The following SHOC1 variants were observed in gnomAD, a reference collection of about 807,000 sequenced individuals.
The protein encoded by SHOC1 is protein shortage in chiasmata 1 ortholog.
Under a neutral mutation model 179.2 loss-of-function variants are expected in SHOC1, and 136 were observed. The observed-to-expected ratio is 0.76, with a 90% CI of 0.66 to 0.87. The LOEUF is 0.87. Ranked by LOEUF, SHOC1 falls within the 40% of genes least tolerant of loss-of-function variation. The probability of loss-of-function intolerance (pLI) is 0.00; values close to 1 mark genes in which losing one functional copy is unlikely to be tolerated. For missense variants in SHOC1, 1,538 were observed against 1,700.8 expected (o/e 0.90, Z 1.68); for synonymous variants, 489 against 586.6 (o/e 0.83, Z 2.41).
rs961449221 is a variant in SHOC1 at position 111,759,074 on chromosome 9, C to A, written c.443-226G>T. 12 of 1,419,722 alleles carry A rather than the reference C, an allele frequency of 8.5e-6. No homozygotes were observed. The African/African-American group carries it at 1.7e-4, about 20-fold the overall frequency. 87.9% of individuals were successfully genotyped at this position (1,419,722 alleles called of 1,614,324 possible). A position where few individuals can be genotyped will look rare whatever the true frequency, so the allele number is the denominator to read the frequency against. ...TATTATCTAGGACACCGAGGAATAGCCAAATATCCCAAAAGAGCTGTAACG... is the reference window on the plus strand; with the variant it reads ...TATTATCTAGGACACCGAGGAATAGACAAATATCCCAAAAGAGCTGTAACG... On this transcript the variant is annotated intron_variant, in intron 5 of 27. Coordinates refer to ENST00000682961, the MANE Select transcript of SHOC1 (RefSeq NM_001378211.1).
intron 5 of SHOC1, among the ~76,000 whole-genome samples, chr9:111,770,820 T>C (rs1835574584): frequency 6.6e-6 from 1 of 152,170 alleles, no homozygotes; most frequent in African/African-American, 2.4e-5. Flanking sequence ...GTCTATTTTA[T>C]ATAAGTATAG....
At chr9:111,779,662 G>C (rs1835963116) in intron 4 of SHOC1, among the ~76,000 whole-genome samples, 1 of 152,056 alleles carries the variant, frequency 6.6e-6, no homozygotes, top group Non-Finnish European at 1.5e-5. Flanking sequence ...AGACATCTTA[G>C]AGATCGTCTC....
At chr9:111,719,521 A>G (rs553060474) in intron 15 of SHOC1, among the ~76,000 whole-genome samples, 8 of 152,334 alleles carry the variant, frequency 5.3e-5, no homozygotes, top group Admixed American at 4.6e-4. Context: ...TTAAAACCTG[A>G]GAATTACAGG....
chr9:111,777,156 T>C (rs1056004704), intron 4 of SHOC1, among the ~76,000 whole-genome samples: 2 of 152,120 alleles, frequency 1.3e-5, no homozygotes, highest in Admixed American at 1.3e-4. Context: ...TATCAGCTGA[T>C]CCATAGAGTG....
intron 21 of SHOC1, 138 bp from the exon 22 acceptor site, chr9:111,704,130 TA>T (rs904907447): frequency 3.8e-6 from 2 of 532,294 alleles, no homozygotes; most frequent in African/African-American, 3.8e-5. Context: ...TTCTACTTTA[TA>T]AAATTTGAAG....
At chr9:111,702,266 G>A (rs752409391) in intron 22 of SHOC1, 40 bp from the exon 23 acceptor site, 1 of 1,226,486 alleles carries the variant, frequency 8.2e-7, no homozygotes, top group Admixed American at 2.0e-5. Context: ...TCATTAGGTT[G>A]AACAGTTATT....
rs1832124863 is a variant in SHOC1 at position 111,704,009 on chromosome 9, T to G, written c.2856-17A>C. 2.2e-6 allele frequency: 3 copies of G among 1,334,512 alleles called. No homozygotes were observed. Among genetic ancestry groups the G allele is most frequent in the East Asian group, 2.4e-5 (1 of 42,368 alleles). 82.7% of individuals were successfully genotyped at this position (1,334,512 alleles called of 1,614,324 possible). A position where few individuals can be genotyped will look rare whatever the true frequency, so the allele number is the denominator to read the frequency against. On this transcript the variant is annotated splice_polypyrimidine_tract_variant and intron_variant, in intron 21 of 27. Coordinates refer to ENST00000682961, the MANE Select transcript of SHOC1 (RefSeq NM_001378211.1). ...ATGTTATAGCTGTAAAATACAATAT[T>G]CTTGAGTGAAAAAATGAAATGCTAA...
intron 2 of SHOC1, 103 bp downstream of exon 2, chr9:111,791,271 C>A: frequency 1.9e-6 from 1 of 538,654 alleles, no homozygotes. Flanking sequence ...TACTTTTGAT[C>A]CTAAGCATTT....
chr9:111,770,188 C>T (rs79321027), intron 5 of SHOC1, among the ~76,000 whole-genome samples: 56 of 151,932 alleles, frequency 3.7e-4, no homozygotes, highest in African/African-American at 1.3e-3. Context: ...GTACTGGGCT[C>T]TTGCCATACC....
At chr9:111,694,070 T>G in intron 25 of SHOC1, 122 bp from the exon 26 acceptor site, 1 of 1,067,232 alleles carries the variant, frequency 9.4e-7, no homozygotes, top group Non-Finnish European at 1.3e-6. Context: ...TCGAAAGTGA[T>G]CCATTTTATT....
At chr9:111,778,540 G>A (rs1311025106) in intron 4 of SHOC1, among the ~76,000 whole-genome samples, 2 of 152,148 alleles carry the variant, frequency 1.3e-5, no homozygotes, top group Non-Finnish European at 2.9e-5. Context: ...AGGCTGTGGT[G>A]GGTGCATCAC....
At chr9:111,699,546 T>C (rs10981019) in intron 24 of SHOC1, among the ~76,000 whole-genome samples, 8,678 of 152,082 alleles carry the variant, frequency 0.057, 631 homozygotes, top group African/African-American at 0.17. Flanking sequence ...AATTTCAGAG[T>C]GGGACACTGA....
At chr9:111,758,938 T>C in intron 5 of SHOC1, 90 bp from the exon 6 acceptor site, 1 of 901,154 alleles carries the variant, frequency 1.1e-6, no homozygotes, top group East Asian at 2.6e-5. Context: ...AGTCATTAGA[T>C]ACAGCTGGGT....
At chr9:111,732,527 T>C (rs7044465) in intron 12 of SHOC1, among the ~76,000 whole-genome samples, 83,608 of 152,112 alleles carry the variant, frequency 0.55, 23,647 homozygotes, top group East Asian at 0.87. Context: ...GGGGAATTGA[T>C]AAACAAACTG....
At position 111,711,713 on chromosome 9, in the gene SHOC1, A is replaced by G. The variant is rs112758278; in HGVS notation, c.2488+1387T>C. Among the ~76,000 whole-genome samples, 32 of 152,292 alleles carry G rather than the reference A, an allele frequency of 2.1e-4. 1 individual carries two copies. The highest frequency in any genetic ancestry group is 7.7e-4 in the African/African-American group (32 of 41,558). The stretch of plus-strand genomic sequence containing the variant: ...GGGTAATATAGTAGGGGTTTTTTGT[A>G]TAGTCATTCAGAAAATAGGAGTGGA... On this transcript the variant is annotated intron_variant, in intron 18 of 27. Transcript: ENST00000682961.
chr9:111,759,244 T>G, intron 5 of SHOC1: 1 of 1,613,744 alleles, frequency 6.2e-7, no homozygotes, highest in South Asian at 1.1e-5. Context: ...TCTGCATCAT[T>G]TTACCTCTTA....
intron 12 of SHOC1, among the ~76,000 whole-genome samples, chr9:111,735,331 G>T (rs927765672): frequency 2.0e-5 from 3 of 151,880 alleles, no homozygotes; most frequent in Admixed American, 1.3e-4. Context: ...CTATCCCTCC[G>T]TTAGCCCCCA....
chr9:111,735,111 C>G (rs182686203), intron 12 of SHOC1, among the ~76,000 whole-genome samples: 1 of 152,264 alleles, frequency 6.6e-6, no homozygotes, highest in East Asian at 1.9e-4. Context: ...TGGCCTCCAG[C>G]TGCATCCATG....
chr9:111,776,934 C>T (rs1216133033), intron 4 of SHOC1, among the ~76,000 whole-genome samples: 2 of 152,170 alleles, frequency 1.3e-5, no homozygotes, highest in Admixed American at 1.3e-4. Context: ...TGCGGGACAC[C>T]GGTCTTTTAT....
Sources: gnomAD v4.1 joint callset for allele counts (sites outside exome capture counted in the v4.1 genomes callset) on GRCh38, gnomAD v4.1.1 for gene constraint, MANE v1.5 for transcripts, NCBI Gene and HGNC (gene_info 2026-07-23, HGNC 2026-07-21) for gene names.